The following ISM1 variants were observed in gnomAD, a reference collection of about 807,000 sequenced individuals.
The protein encoded by ISM1 is isthmin-1.
A neutral mutation model predicts 46.3 loss-of-function variants in ISM1; 25 were observed. The ratio of observed to expected loss-of-function variants is 0.54; its 90% CI spans 0.39 to 0.75. ISM1 has a LOEUF of 0.75. Among genes scored for constraint, ISM1 ranks in the 30% least tolerant of loss-of-function variants. ISM1 has a pLI of 0.00. For synonymous variants in ISM1, 255 were observed against 256.7 expected, an observed-to-expected ratio of 0.99 and a Z score of 0.06; for missense variants, 536 against 625.4, an observed-to-expected ratio of 0.86 and a Z score of 1.52.
intron 4 of ISM1, among the ~76,000 whole-genome samples, 152 bp from the exon 5 acceptor site, chr20:13,292,222 T>C (rs1208178972): frequency 6.6e-6 from 1 of 152,218 alleles, no homozygotes; most frequent in Non-Finnish European, 1.5e-5. Context: ...GACCTGCTTT[T>C]TACTGTTTCC....
At chr20:13,275,327 T>C (rs1312770763) in intron 2 of ISM1, among the ~76,000 whole-genome samples, 2 of 152,226 alleles carry the variant, frequency 1.3e-5, no homozygotes, top group Non-Finnish European at 2.9e-5. Context: ...TACGTGCTTC[T>C]ACTTTTGATT....
In ISM1 at chr20:13,292,389, T is replaced by C. The variant is rs1194624077; in HGVS notation, c.803T>C (p.Phe268Ser). ...CTGTGTTTAGGAATTGAAGACACTT[T>C]TAGGACAGCTGCCACCGAAGTGAGT... ...RPNCPGIEDT[F>S]RTAATEVSLL... The change falls in exon 5 of 6, where the codon TTT (phenylalanine) becomes TCT (serine). Residue 268 changes from phenylalanine to serine, a missense_variant. Around this residue, in one of 2 missense-constraint regions of ISM1, gnomAD observed 367 missense variants for 376.1 expected, o/e 0.98. Coordinates refer to ENST00000262487, the MANE Select transcript of ISM1 (RefSeq NM_080826.2). The C allele has an allele frequency of 6.2e-7, 1 of 1,603,060 alleles. No homozygotes were observed. Among genetic ancestry groups the C allele is most frequent in the Non-Finnish European group, 8.5e-7 (1 of 1,174,256 alleles).
chr20:13,308,134 A>T, the ISM1 span, among the ~76,000 whole-genome samples: 1 of 152,064 alleles, frequency 6.6e-6, no homozygotes, highest in African/African-American at 2.4e-5. Context: ...TTTATGTTTA[A>T]CTCAATACGT....
chr20:13,246,305 C>G (rs938626029), intron 1 of ISM1, among the ~76,000 whole-genome samples: 4 of 151,438 alleles, frequency 2.6e-5, no homozygotes, highest in African/African-American at 9.7e-5. Flanking sequence ...TGTGAACTGT[C>G]GAGGTAGAAA....
chr20:13,246,883 CT>C (rs199982898), intron 1 of ISM1, among the ~76,000 whole-genome samples: 31 of 149,534 alleles, frequency 2.1e-4, no homozygotes, highest in Middle Eastern at 3.5e-3. Context: ...ATCCTTCTCT[CT>C]TTTTTTTTTA....
At chr20:13,245,630 C>A (rs1215873377) in intron 1 of ISM1, among the ~76,000 whole-genome samples, 9 of 152,206 alleles carry the variant, frequency 5.9e-5, no homozygotes, top group Non-Finnish European at 1.3e-4. Flanking sequence ...AGTTCCCCTG[C>A]ACACTCTAGT....
At chr20:13,234,111 A>G (rs2039620745) in intron 1 of ISM1, among the ~76,000 whole-genome samples, 1 of 152,088 alleles carries the variant, frequency 6.6e-6, no homozygotes. Flanking sequence ...TTCAGCCCTC[A>G]TCCCCTCCAC....
chr20:13,235,283 C>T (rs2039635088), intron 1 of ISM1, among the ~76,000 whole-genome samples: 2 of 152,200 alleles, frequency 1.3e-5, no homozygotes, highest in South Asian at 4.1e-4. Context: ...GATTACACAT[C>T]AGTCATATCT....
the ISM1 span, among the ~76,000 whole-genome samples, chr20:13,314,398 A>G: frequency 2.0e-5 from 3 of 151,668 alleles, no homozygotes; most frequent in African/African-American, 4.8e-5. Flanking sequence ...CACCTTATCT[A>G]TAAAGGAGCA....
intron 1 of ISM1, among the ~76,000 whole-genome samples, chr20:13,264,632 T>A (rs2040023254): frequency 6.6e-6 from 1 of 152,208 alleles, no homozygotes; most frequent in Non-Finnish European, 1.5e-5. Context: ...TGACCCTAGA[T>A]GTGGCTATGG....
chr20:13,247,178 CCG>C, intron 1 of ISM1, among the ~76,000 whole-genome samples: 1 of 152,106 alleles, frequency 6.6e-6, no homozygotes, highest in East Asian at 1.9e-4. Flanking sequence ...TTTCAGTGAG[CCG>C]AGATCGCACC....
At chr20:13,230,213 A>C (rs1256374700) in intron 1 of ISM1, among the ~76,000 whole-genome samples, 2 of 152,220 alleles carry the variant, frequency 1.3e-5, no homozygotes, top group Non-Finnish European at 2.9e-5. Context: ...GTTTTTTAAC[A>C]ACTCTTAATA....
the ISM1 span, among the ~76,000 whole-genome samples, chr20:13,318,328 A>C: frequency 6.6e-6 from 1 of 152,190 alleles, no homozygotes; most frequent in Non-Finnish European, 1.5e-5. Context: ...ACAACATCAG[A>C]TGCTGACAAG....
At position 13,299,413 on chromosome 20, in the gene ISM1, C is replaced by T. The variant is rs927769481; in HGVS notation, c.1349C>T (p.Ser450Leu). ...GGACAGAAGTGCACAGAGAGCCCCT[C>T]GGACGAGGACTACATCAAGCAGTTC... The part of the protein sequence containing the change: ...NNGQKCTESP[S>L]DEDYIKQFQE... The change falls in exon 6 of 6, where the codon TCG becomes TTG. Residue 450 changes from serine (S) to leucine (L), a missense_variant. This residue lies in a region of ISM1 where 169 missense variants were observed against 249.3 expected (regional missense o/e 0.68). Coordinates refer to ENST00000262487, the MANE Select transcript of ISM1 (RefSeq NM_080826.2). This position sits in a 1 kb window ranked among gnomAD's most constrained non-coding sequence, Gnocchi z 5.8. 1.9e-6 allele frequency: 3 copies of T among 1,610,990 alleles called. No individual in the cohort carries two copies. Among genetic ancestry groups the T allele is most frequent in the Middle Eastern group, 1.6e-4 (1 of 6,062 alleles).
Position 13,223,984 on chromosome 20 carries a change from G to C in ISM1, c.138+2070G>C, listed in dbSNP as rs560271911. Among the ~76,000 whole-genome samples the C allele has an allele frequency of 7.9e-5, 12 of 152,194 alleles. No individual in the cohort carries two copies. In the East Asian group the frequency reaches 2.3e-3, roughly 29 times the overall value. Reference sequence around the variant, plus strand: ...AGTAAGGTAATGAGAGAAGCAGCTGGTGGAAGTGGCAGTTCTAAAAGGGAA... The same window carrying C: ...AGTAAGGTAATGAGAGAAGCAGCTGCTGGAAGTGGCAGTTCTAAAAGGGAA... On this transcript the variant is annotated intron_variant, in intron 1 of 5. Transcript: ENST00000262487.
chr20:13,310,262 A>G, the ISM1 span, among the ~76,000 whole-genome samples: 1 of 152,238 alleles, frequency 6.6e-6, no homozygotes, highest in Non-Finnish European at 1.5e-5. Context: ...AGAGCTCCAA[A>G]GTAAATCTAC....
chr20:13,224,911 T>C (rs1029347397), intron 1 of ISM1, among the ~76,000 whole-genome samples: 8 of 148,772 alleles, frequency 5.4e-5, no homozygotes, highest in Non-Finnish European at 1.0e-4. Context: ...AGTGGCGCGA[T>C]CTCTGCTCAC....
At chr20:13,228,742 C>T (rs1473334917) in intron 1 of ISM1, among the ~76,000 whole-genome samples, 1 of 152,132 alleles carries the variant, frequency 6.6e-6, no homozygotes, top group African/African-American at 2.4e-5. Flanking sequence ...TCCAATATCC[C>T]TGTACTCTTT....
intron 1 of ISM1, among the ~76,000 whole-genome samples, chr20:13,250,952 AG>A (rs2039862290): frequency 6.6e-6 from 1 of 152,136 alleles, no homozygotes; most frequent in Admixed American, 6.5e-5. Context: ...AAACATCCTG[AG>A]AATTATTTTA....
Sources: allele counts gnomAD v4.1 joint callset (sites outside exome capture counted in the v4.1 genomes callset), GRCh38; gene constraint gnomAD v4.1.1; regional missense constraint gnomAD v4.1.1; non-coding constraint Gnocchi (gnomAD v3.1); transcripts MANE v1.5; gene names NCBI Gene and HGNC (gene_info 2026-07-23, HGNC 2026-07-21).